WASF2: variants seen among roughly 807,000 people sequenced by gnomAD.
The protein encoded by WASF2 is WASP family member 2.
A neutral mutation model predicts 45.0 loss-of-function variants in WASF2; 14 were observed. That is an observed-to-expected ratio of 0.31 (90% confidence interval 0.21 to 0.49). The LOEUF (loss-of-function observed/expected upper bound fraction) is 0.49. WASF2 is among the 20% of genes least tolerant of loss of function. The probability of loss-of-function intolerance (pLI) is 0.99; values close to 1 mark genes in which losing one functional copy is unlikely to be tolerated. For missense variants in WASF2, 439 were observed against 636.1 expected (o/e 0.69, Z 3.33); for synonymous variants, 200 against 236.3 (o/e 0.85, Z 1.41).
At chr1:27,470,986 T>G (rs2017679730) in intron 1 of WASF2, among the ~76,000 whole-genome samples, 1 of 152,150 alleles carries the variant, frequency 6.6e-6, no homozygotes, top group South Asian at 2.1e-4. Context: ...ATTCTGGTAC[T>G]GGAGCTGAGA....
At chr1:27,480,817 GCTAACACGGTGAAAC>G (rs1291266621) in intron 1 of WASF2, among the ~76,000 whole-genome samples, 1 of 152,060 alleles carries the variant, frequency 6.6e-6, no homozygotes, top group Admixed American at 6.6e-5. Flanking sequence ...GACCATCCTG[GCTAACACGGTGAAAC>G]CCCGTCTCTA....
chr1:27,443,521 G>A (rs1324386059), intron 1 of WASF2, among the ~76,000 whole-genome samples: 3 of 151,700 alleles, frequency 2.0e-5, no homozygotes, highest in Admixed American at 1.3e-4. Flanking sequence ...GCCGAGGCAG[G>A]AGAATCGCTT....
intron 1 of WASF2, among the ~76,000 whole-genome samples, chr1:27,449,460 A>G (rs1004630809): frequency 6.6e-6 from 1 of 151,860 alleles, no homozygotes; most frequent in African/African-American, 2.4e-5. Context: ...TTAGCTGGGC[A>G]TGGTGGCGCA....
At chr1:27,434,191 C>T (rs1326514210) in intron 1 of WASF2, among the ~76,000 whole-genome samples, 1 of 152,146 alleles carries the variant, frequency 6.6e-6, no homozygotes, top group Non-Finnish European at 1.5e-5. Flanking sequence ...ATGAGTTCTC[C>T]AGCCCTGTGC....
At chr1:27,475,415 GCTTCTGCCATC>G (rs1468941482) in intron 1 of WASF2, among the ~76,000 whole-genome samples, 1 of 152,084 alleles carries the variant, frequency 6.6e-6, no homozygotes, top group African/African-American at 2.4e-5. Flanking sequence ...CTGATTCAGG[GCTTCTGCCATC>G]AACAGTTCCT....
intron 1 of WASF2, among the ~76,000 whole-genome samples, chr1:27,485,403 G>A (rs1027152362): frequency 1.3e-5 from 2 of 151,774 alleles, no homozygotes; most frequent in South Asian, 2.1e-4. Flanking sequence ...GCAACATTTC[G>A]AGAGCCCATC....
chr1:27,427,520 T>C (rs772168072), intron 2 of WASF2, among the ~76,000 whole-genome samples: 1 of 152,208 alleles, frequency 6.6e-6, no homozygotes, highest in Non-Finnish European at 1.5e-5. Context: ...GCTGTTGTGC[T>C]ACTGTCAGTG....
rs1557594585 is a variant in WASF2, at chr1:27,409,835, G to A, written c.1196C>T (p.Pro399Leu). Residue 399 changes from proline to leucine, a missense_variant, in exon 8 of 9, where the codon CCT (proline) becomes CTT (leucine). Coordinates refer to ENST00000618852, the MANE Select transcript of WASF2 (RefSeq NM_006990.5). Reference sequence around the variant, plus strand: ...GAAAGGGGGAGGAGGGGGCCCCGGAGGAGGAGGAGGAGGGGGAGGAGGAGG... The same window carrying A: ...GAAAGGGGGAGGAGGGGGCCCCGGAAGAGGAGGAGGAGGGGGAGGAGGAGG... ...GAPPPPPPPP[P>L]PGPPPPPFTG... 7 of 1,548,694 alleles carry A rather than the reference G, an allele frequency of 4.5e-6. No individual in the cohort carries two copies. The highest frequency in any genetic ancestry group is 6.1e-6 in the Non-Finnish European group (7 of 1,144,916).
At position 27,419,051 on chromosome 1, in the gene WASF2, A is replaced by C; in HGVS notation, c.168T>G (p.Thr56=). 1 of 1,614,110 alleles carries C rather than the reference A, an allele frequency of 6.2e-7. No homozygotes were observed. Among genetic ancestry groups the C allele is most frequent in the South Asian group, 1.1e-5 (1 of 91,076 alleles). The part of the protein sequence containing the change: ...YAEDIFGELF[T]QANTFASRVS... ...CCCGAGAGGCAAAGGTATTTGCCTG[A>C]GTAAAGAGCTCTCCAAAAATGTCCT... The change falls in exon 3 of 9, where the codon ACT becomes ACG. Residue 56 remains threonine (T), a synonymous_variant. Transcript: ENST00000618852.
chr1:27,431,513 C>T (rs1262301331), intron 1 of WASF2, among the ~76,000 whole-genome samples: 2 of 152,112 alleles, frequency 1.3e-5, no homozygotes, highest in Admixed American at 1.3e-4. Context: ...TGGTGTACAG[C>T]CAGGAATGAC....
At chr1:27,439,294 AAAC>A (rs56117812) in intron 1 of WASF2, among the ~76,000 whole-genome samples, 4,709 of 152,342 alleles carry the variant, frequency 0.031, 96 homozygotes, top group Non-Finnish European at 0.048. Flanking sequence ...AGAATAATTA[AAAC>A]AACAGTAGTA....
At chr1:27,469,139 T>C (rs150237850) in intron 1 of WASF2, among the ~76,000 whole-genome samples, 2 of 152,138 alleles carry the variant, frequency 1.3e-5, no homozygotes, top group Non-Finnish European at 2.9e-5. Flanking sequence ...TTTTTACAGC[T>C]ATACACAGAA....
chr1:27,439,430 T>G (rs1280340311), intron 1 of WASF2, among the ~76,000 whole-genome samples: 1 of 152,218 alleles, frequency 6.6e-6, no homozygotes, highest in Non-Finnish European at 1.5e-5. Context: ...CATTATACAA[T>G]ACTGTCTTAA....
chr1:27,453,628 C>T (rs530985219), intron 1 of WASF2, among the ~76,000 whole-genome samples: 39 of 145,520 alleles, frequency 2.7e-4, no homozygotes, highest in Non-Finnish European at 4.0e-4. Flanking sequence ...CGCGGTGGCT[C>T]ACGCCTGTAA....
chr1:27,476,765 T>C (rs1037534279), intron 1 of WASF2, among the ~76,000 whole-genome samples: 1 of 152,156 alleles, frequency 6.6e-6, no homozygotes, highest in East Asian at 1.9e-4. Flanking sequence ...CAATTAACAT[T>C]TTTAGAAATT....
intron 1 of WASF2, among the ~76,000 whole-genome samples, chr1:27,439,428 A>T (rs970078175): frequency 6.6e-6 from 1 of 152,226 alleles, no homozygotes; most frequent in Non-Finnish European, 1.5e-5. Flanking sequence ...AGCATTATAC[A>T]ATACTGTCTT....
At chr1:27,432,242 C>T (rs939941009) in intron 1 of WASF2, among the ~76,000 whole-genome samples, 1 of 152,142 alleles carries the variant, frequency 6.6e-6, no homozygotes, top group East Asian at 1.9e-4. Context: ...TCGACACATT[C>T]TTAGGTTAGC....
At chr1:27,479,348 G>A (rs1472590618) in intron 1 of WASF2, among the ~76,000 whole-genome samples, 1 of 151,776 alleles carries the variant, frequency 6.6e-6, no homozygotes, top group Admixed American at 6.6e-5. Flanking sequence ...CAGCACCTTC[G>A]AGGCTAAGGT....
intron 4 of WASF2, among the ~76,000 whole-genome samples, chr1:27,416,357 C>G (rs995455576): frequency 2.0e-5 from 3 of 152,172 alleles, no homozygotes; most frequent in African/African-American, 4.8e-5. Flanking sequence ...AGGGCAAGTA[C>G]AGGTGATAGC....
Sources: gnomAD v4.1 joint callset for allele counts (sites outside exome capture counted in the v4.1 genomes callset) on GRCh38, gnomAD v4.1.1 for gene constraint, MANE v1.5 for transcripts, NCBI Gene and HGNC (gene_info 2026-07-23, HGNC 2026-07-21) for gene names.